The following RYR2 variants were observed in gnomAD, a reference collection of about 807,000 sequenced individuals.
The protein encoded by RYR2 is ryanodine receptor 2, also known as cardiac muscle ryanodine receptor-calcium release channel.
In RYR2, 227 loss-of-function variants were observed where a neutral mutation model predicts 601.1. The ratio of observed to expected loss-of-function variants is 0.38; its 90% CI spans 0.34 to 0.42. The LOEUF is 0.42. RYR2 is among the 10% of genes least tolerant of loss of function. RYR2 has a pLI of 1.00. For synonymous variants in RYR2, 2,223 were observed against 2,175.1 expected (o/e 1.02, Z -0.61); for missense variants, 4,646 against 6,156.5 (o/e 0.75, Z 8.21).
chr1:237,221,203 G>A (rs994251217), intron 1 of RYR2, among the ~76,000 whole-genome samples: 1 of 152,082 alleles, frequency 6.6e-6, no homozygotes, highest in Non-Finnish European at 1.5e-5. Context: ...TTATATTTTT[G>A]AAAATCCATT....
At chr1:237,353,733 A>G (rs939024589) in intron 3 of RYR2, among the ~76,000 whole-genome samples, 3 of 152,094 alleles carry the variant, frequency 2.0e-5, no homozygotes, top group Non-Finnish European at 4.4e-5. Flanking sequence ...TAGTGTTAAT[A>G]TGATAGATAT....
chr1:237,389,454 G>C (rs1224901050), intron 10 of RYR2, among the ~76,000 whole-genome samples: 2 of 152,148 alleles, frequency 1.3e-5, no homozygotes, highest in Non-Finnish European at 2.9e-5. Context: ...TAATAACTCT[G>C]TTAGGCAAGG....
chr1:237,671,520 C>T (rs186019137), intron 58 of RYR2, among the ~76,000 whole-genome samples: 173 of 140,648 alleles, frequency 1.2e-3, no homozygotes, highest in African/African-American at 3.5e-3. Flanking sequence ...TGTGTGTGTG[C>T]GTGTGTGTGT....
intron 74 of RYR2, among the ~76,000 whole-genome samples, chr1:237,723,800 A>G: frequency 6.6e-6 from 1 of 152,130 alleles, no homozygotes; most frequent in South Asian, 2.1e-4. Flanking sequence ...TCATGTAAGA[A>G]AAGTGTTTTT....
At chr1:237,408,131 C>A (rs1363706390) in intron 10 of RYR2, among the ~76,000 whole-genome samples, 1 of 151,920 alleles carries the variant, frequency 6.6e-6, no homozygotes, top group African/African-American at 2.4e-5. Context: ...ACATCATTGT[C>A]AAATGCAAGA....
At chr1:237,364,218 G>A (rs1700013453) in intron 4 of RYR2, 140 bp from the exon 5 acceptor site, 1 of 653,804 alleles carries the variant, frequency 1.5e-6, no homozygotes, top group African/African-American at 1.9e-5. Context: ...CGATAACATG[G>A]TGAATGTTTT....
intron 14 of RYR2, among the ~76,000 whole-genome samples, chr1:237,447,021 C>T (rs1168451035): frequency 6.6e-6 from 1 of 152,162 alleles, no homozygotes; most frequent in Non-Finnish European, 1.5e-5. Flanking sequence ...GCTGATCAAT[C>T]CTATGATAGG....
At chr1:237,167,018 C>A (rs1040774787) in intron 1 of RYR2, among the ~76,000 whole-genome samples, 1 of 152,242 alleles carries the variant, frequency 6.6e-6, no homozygotes, top group Non-Finnish European at 1.5e-5. Flanking sequence ...AAAGCAACCT[C>A]TTCACTGCAG....
rs369833602 is a variant in RYR2, at chr1:237,527,756, T to C, written c.2823-2671T>C. Among the ~76,000 whole-genome samples the C allele has an allele frequency of 5.3e-5, 8 of 152,044 alleles. No homozygotes were observed. The South Asian group carries it at 1.5e-3, about 28-fold the overall frequency. ...GGAACCCTACTTGGTTTTATTATAA[T>C]TCTTCAGTCATCATCTTTTCTCCTA... On this transcript the variant is annotated intron_variant, in intron 24 of 104. Transcript: ENST00000366574.
At chr1:237,185,092 C>T (rs746854481) in intron 1 of RYR2, among the ~76,000 whole-genome samples, 2 of 152,022 alleles carry the variant, frequency 1.3e-5, no homozygotes, top group African/African-American at 2.4e-5. Context: ...TCTTGAACTC[C>T]TGGACTCAAG....
intron 48 of RYR2, among the ~76,000 whole-genome samples, chr1:237,645,153 G>C (rs1681997075): frequency 6.6e-6 from 1 of 152,134 alleles, no homozygotes; most frequent in Non-Finnish European, 1.5e-5. Context: ...AGAATGAAAG[G>C]GGTCACCATA....
chr1:237,791,064 C>A (rs955426919), intron 92 of RYR2, among the ~76,000 whole-genome samples: 1 of 152,156 alleles, frequency 6.6e-6, no homozygotes, highest in Admixed American at 6.5e-5. Context: ...ACTTGCTCCC[C>A]GCTTGTGCAT....
chr1:237,526,296 T>C (rs1398846759), intron 24 of RYR2, among the ~76,000 whole-genome samples: 1 of 152,208 alleles, frequency 6.6e-6, no homozygotes, highest in Non-Finnish European at 1.5e-5. Context: ...ATTTGGCTGC[T>C]TGTATTTCCT....
intron 11 of RYR2, 53 bp downstream of exon 11, chr1:237,417,176 A>C (rs1705093485): frequency 7.2e-6 from 10 of 1,383,286 alleles, no homozygotes; most frequent in Admixed American, 3.4e-5. Context: ...CAAATAGCTC[A>C]GCGTTGTGCT....
At chr1:237,465,493 C>T (rs1433200576) in intron 16 of RYR2, among the ~76,000 whole-genome samples, 7 of 152,102 alleles carry the variant, frequency 4.6e-5, no homozygotes, top group East Asian at 3.9e-4. Context: ...CTTTGGAATA[C>T]GGTCATGTGT....
At chr1:237,551,152 A>G (rs1213586519) in intron 27 of RYR2, among the ~76,000 whole-genome samples, 1 of 152,204 alleles carries the variant, frequency 6.6e-6, no homozygotes, top group African/African-American at 2.4e-5. Context: ...TACAATAGAT[A>G]CTCAATAACT....
Position 237,726,321 on chromosome 1 carries a change from C to T in RYR2, c.10725+13C>T, listed in dbSNP as rs778038394. 3 of 1,539,410 alleles carry T rather than the reference C, an allele frequency of 1.9e-6. No homozygotes were observed. Among genetic ancestry groups the T allele is most frequent in the Non-Finnish European group, 2.7e-6 (3 of 1,119,108 alleles). On this transcript the variant is annotated intron_variant, in intron 75 of 104. Coordinates refer to ENST00000366574, the MANE Select transcript of RYR2 (RefSeq NM_001035.3). ...ACATTACTGTCTGGGAAGTACAGTG[C>T]TCAATGGCCTAGAGATTACTAATTA...
intron 14 of RYR2, among the ~76,000 whole-genome samples, chr1:237,449,584 G>T (rs546519909): frequency 3.3e-5 from 5 of 150,734 alleles, no homozygotes; most frequent in South Asian, 2.1e-4. Context: ...TGTGTGTGTG[G>T]ATCTGTATTT....
chr1:237,510,622 TA>T (rs985755076), intron 23 of RYR2, among the ~76,000 whole-genome samples: 1 of 151,246 alleles, frequency 6.6e-6, no homozygotes, highest in Non-Finnish European at 1.5e-5. Flanking sequence ...GCTGAAGACT[TA>T]AAAAAAAAGC....
Sources: allele counts gnomAD v4.1 joint callset (sites outside exome capture counted in the v4.1 genomes callset), GRCh38; gene constraint gnomAD v4.1.1; transcripts MANE v1.5; gene names NCBI Gene and HGNC (gene_info 2026-07-23, HGNC 2026-07-21).